Variants in CRACD observed in about 807,000 individuals in gnomAD.
CRACD encodes the protein capping protein-inhibiting regulator of actin dynamics.
Under a neutral mutation model 106.8 loss-of-function variants are expected in CRACD, and 56 were observed. That is an observed-to-expected ratio of 0.52 (90% confidence interval 0.42 to 0.66). The LOEUF (loss-of-function observed/expected upper bound fraction) is 0.66, where lower values mean the gene tolerates loss of function less well. CRACD is among the 30% of genes least tolerant of loss of function. The pLI is 0.00. For synonymous variants in CRACD, 754 were observed against 670.8 expected, an observed-to-expected ratio of 1.12 and a Z score of -1.92; for missense variants, 1,730 against 1,623.2, an observed-to-expected ratio of 1.07 and a Z score of -1.13.
Position 56,314,936 on chromosome 4 carries a change from G to A in CRACD, c.1434G>A (p.Gly478=). 6.3e-7 allele frequency: 1 copy of A among 1,599,614 alleles called. No individual in the cohort carries two copies. The highest frequency in any genetic ancestry group is 8.5e-7 in the Non-Finnish European group (1 of 1,174,522). Residue 478 remains glycine, a synonymous_variant, in exon 8 of 11, where the codon GGG becomes GGA. Transcript: ENST00000682029. This position sits in a 1 kb window ranked among gnomAD's most constrained non-coding sequence, Gnocchi z 4.4. ...SGDFQGADRP[G]PEEKREEGDT... ...ATTTCCAGGGGGCCGATCGTCCTGGGCCCGAGGAAAAGAGAGAAGAAGGGG... is the reference window on the plus strand; with the variant it reads ...ATTTCCAGGGGGCCGATCGTCCTGGACCCGAGGAAAAGAGAGAAGAAGGGG...
At chr4:56,141,682 ATTTTTTTTT>A (rs1171920777) in intron 1 of CRACD, among the ~76,000 whole-genome samples, 4 of 82,680 alleles carry the variant, frequency 4.8e-5, no homozygotes, top group Non-Finnish European at 6.6e-5. Context: ...AGGAAGTACT[ATTTTTTTTT>A]TTTTTTTTTT....
intron 1 of CRACD, among the ~76,000 whole-genome samples, chr4:56,060,159 CAGTT>C (rs1241703746): frequency 1.3e-5 from 2 of 152,142 alleles, no homozygotes; most frequent in African/African-American, 4.8e-5. Context: ...TCGGTGCAGT[CAGTT>C]AGGATGTTGG....
intron 1 of CRACD, among the ~76,000 whole-genome samples, chr4:56,074,652 T>A (rs562316439): frequency 1.3e-5 from 2 of 152,302 alleles, no homozygotes; most frequent in African/African-American, 4.8e-5. Flanking sequence ...TTTGACTTCC[T>A]CCCTTCCTAT....
At chr4:56,070,539 G>A (rs564451309) in intron 1 of CRACD, among the ~76,000 whole-genome samples, 114 of 152,010 alleles carry the variant, frequency 7.5e-4, no homozygotes, top group Admixed American at 4.3e-3. Context: ...CGCCCGCCTC[G>A]GCCTCCCAAA....
At chr4:56,079,454 T>C (rs1732951693) in intron 1 of CRACD, among the ~76,000 whole-genome samples, 1 of 151,930 alleles carries the variant, frequency 6.6e-6, no homozygotes, top group Non-Finnish European at 1.5e-5. Context: ...TCTTTTCTTT[T>C]TTTTTTTTTG....
At chr4:56,079,451 T>C (rs1368122383) in intron 1 of CRACD, among the ~76,000 whole-genome samples, 1 of 136,856 alleles carries the variant, frequency 7.3e-6, no homozygotes, top group Non-Finnish European at 1.6e-5. Context: ...TCTTCTTTTC[T>C]TTTTTTTTTT....
intron 2 of CRACD, among the ~76,000 whole-genome samples, chr4:56,200,770 T>A (rs1186271666): frequency 6.6e-6 from 1 of 152,194 alleles, no homozygotes; most frequent in African/African-American, 2.4e-5. Context: ...CTAAACCCTC[T>A]GCCCGCACAG....
At chr4:56,107,913 A>G (rs1472724932) in intron 1 of CRACD, among the ~76,000 whole-genome samples, 5 of 152,128 alleles carry the variant, frequency 3.3e-5, no homozygotes, top group African/African-American at 9.7e-5. Flanking sequence ...CAACATTTTC[A>G]TTTCCTCTTT....
chr4:56,051,877 A>G (rs78010882), intron 1 of CRACD, among the ~76,000 whole-genome samples: 9 of 152,318 alleles, frequency 5.9e-5, no homozygotes, highest in African/African-American at 2.2e-4. Flanking sequence ...AGGTGATTTA[A>G]TCTAAGCCTC....
intron 2 of CRACD, among the ~76,000 whole-genome samples, chr4:56,189,173 G>A (rs1737242180): frequency 6.7e-6 from 1 of 149,618 alleles, no homozygotes; most frequent in Non-Finnish European, 1.5e-5. Flanking sequence ...ATGGGAGTAA[G>A]CCACTGTCTC....
intron 2 of CRACD, among the ~76,000 whole-genome samples, chr4:56,257,463 G>A (rs1001228009): frequency 6.6e-6 from 1 of 151,000 alleles, no homozygotes; most frequent in African/African-American, 2.4e-5. Context: ...TGAGGCAGGA[G>A]GATTGCTTGC....
chr4:56,116,323 A>G (rs570826165), intron 1 of CRACD, among the ~76,000 whole-genome samples: 2 of 151,244 alleles, frequency 1.3e-5, no homozygotes, highest in Non-Finnish European at 3.0e-5. Flanking sequence ...ATGGCAGGAT[A>G]GACCCTTTAC....
chr4:56,322,613 C>G (rs1746172525), intron 8 of CRACD, among the ~76,000 whole-genome samples: 1 of 152,224 alleles, frequency 6.6e-6, no homozygotes, highest in Non-Finnish European at 1.5e-5. Flanking sequence ...CCACAGTGTT[C>G]TTCAGCTTCC....
intron 1 of CRACD, among the ~76,000 whole-genome samples, chr4:56,084,726 G>A (rs899208131): frequency 1.3e-5 from 2 of 152,118 alleles, no homozygotes; most frequent in African/African-American, 4.8e-5. Context: ...GCCACAAGAG[G>A]AGTTTTTTGT....
intron 2 of CRACD, among the ~76,000 whole-genome samples, chr4:56,181,577 A>G (rs932026746): frequency 9.2e-5 from 14 of 152,352 alleles, no homozygotes; most frequent in Non-Finnish European, 1.6e-4. Flanking sequence ...TTAAAACAAC[A>G]GAAGTGTATT....
chr4:56,060,693 C>T (rs1477699682), intron 1 of CRACD, among the ~76,000 whole-genome samples: 1 of 152,086 alleles, frequency 6.6e-6, no homozygotes, highest in African/African-American at 2.4e-5. Context: ...CCCCAAAATT[C>T]ATATGTTGAA....
Position 56,316,450 on chromosome 4 carries a change from C to T in CRACD, c.2948C>T (p.Pro983Leu). Residue 983 changes from proline to leucine, a missense_variant, in exon 8 of 11, where the codon CCC becomes CTC. Around this residue, in one of 5 missense-constraint regions of CRACD, gnomAD observed 1,620 missense variants for 1,481.6 expected, o/e 1.09. Coordinates refer to ENST00000682029, the MANE Select transcript of CRACD (RefSeq NM_001393381.1). The stretch of plus-strand genomic sequence containing the variant: ...TCCCCACTTTCCAAACTGAGCAGGC[C>T]CTACTTGGTAGAGCTGCTGTCTCGC... ...PASPLSKLSR[P>L]YLVELLSRRA... is the part of the protein sequence containing the mutation. The T allele has an allele frequency of 1.2e-6, 2 of 1,614,096 alleles. No homozygotes were observed. The highest frequency in any genetic ancestry group is 1.7e-6 in the Non-Finnish European group (2 of 1,179,938).
intron 1 of CRACD, among the ~76,000 whole-genome samples, chr4:56,135,918 ATCCCGCCTTCT>A (rs1451885035): frequency 1.3e-5 from 2 of 152,222 alleles, no homozygotes; most frequent in African/African-American, 4.8e-5. Context: ...TTTGAAACTC[ATCCCGCCTTCT>A]ACTCACACCC....
Position 56,316,462 on chromosome 4 carries a change from A to T in CRACD, c.2960A>T (p.Glu987Val), listed in dbSNP as rs1192659516. Residue 987 changes from glutamate (E) to valine (V), a missense_variant, in exon 8 of 11, where the codon GAG becomes GTG. Around this residue, in one of 5 missense-constraint regions of CRACD, gnomAD observed 1,620 missense variants for 1,481.6 expected, o/e 1.09. Coordinates refer to ENST00000682029, the MANE Select transcript of CRACD (RefSeq NM_001393381.1). ...LSKLSRPYLVELLSRRAGRPD... is the reference protein window; with the variant it reads ...LSKLSRPYLVVLLSRRAGRPD... ...AAACTGAGCAGGCCCTACTTGGTAG[A>T]GCTGCTGTCTCGCCGAGCGGGGAGG... 3 of 1,614,054 alleles carry T rather than the reference A, an allele frequency of 1.9e-6. No individual in the cohort carries two copies. The East Asian group carries it at 6.7e-5, about 36-fold the overall frequency.
Sources: gnomAD v4.1 joint callset for allele counts (sites outside exome capture counted in the v4.1 genomes callset) on GRCh38, gnomAD v4.1.1 for gene constraint, gnomAD v4.1.1 regional missense constraint, Gnocchi (gnomAD v3.1) non-coding constraint, MANE v1.5 for transcripts, NCBI Gene and HGNC (gene_info 2026-07-23, HGNC 2026-07-21) for gene names.